The following COX15 variants were observed in gnomAD, a reference collection of about 807,000 sequenced individuals.
The protein encoded by COX15 is cytochrome c oxidase assembly factor COX15, also known as heme A synthase COX15.
A neutral mutation model predicts 51.9 loss-of-function variants in COX15; 51 were observed. The ratio of observed to expected loss-of-function variants is 0.98; its 90% CI spans 0.78 to 1.24. COX15 has a LOEUF of 1.24. Ranked by LOEUF, COX15 falls within the 50% of genes most tolerant of loss-of-function variation. The pLI is 0.00. For synonymous variants in COX15, 188 were observed against 190.5 expected, an observed-to-expected ratio of 0.99 and a Z score of 0.11; for missense variants, 420 against 501.1, an observed-to-expected ratio of 0.84 and a Z score of 1.55.
At position 99,724,103 on chromosome 10, in the gene COX15, C is replaced by T. The variant is rs1479671154; in HGVS notation, c.603G>A (p.Met201Ile). 2 of 1,614,146 alleles carry T rather than the reference C, an allele frequency of 1.2e-6. No homozygotes were observed. Among genetic ancestry groups the T allele is most frequent in the Non-Finnish European group, 8.5e-7 (1 of 1,180,016 alleles). Reference sequence around the variant, plus strand: ...ATTTTTCTTCTAGTCCACTTTTCACCATATACCATCCCAACAGACCCTAGA... The same window carrying T: ...ATTTTTCTTCTAGTCCACTTTTCACTATATACCATCCCAACAGACCCTAGA... ...VCFQGLLGWYMVKSGLEEKSD... is the reference protein window; with the variant it reads ...VCFQGLLGWYIVKSGLEEKSD... Residue 201 changes from methionine (M) to isoleucine (I), a missense_variant, in exon 5 of 9, where the codon ATG (methionine) becomes ATA (isoleucine). Coordinates refer to ENST00000016171, the MANE Select transcript of COX15 (RefSeq NM_078470.6).
intron 6 of COX15, among the ~76,000 whole-genome samples, chr10:99,719,624 G>A (rs1398352709): frequency 1.3e-5 from 2 of 151,930 alleles, no homozygotes; most frequent in Non-Finnish European, 2.9e-5. Flanking sequence ...CTGAGTAGCT[G>A]AGACTACAGG....
At chr10:99,694,855 G>T in the COX15 span, among the ~76,000 whole-genome samples, 1 of 152,038 alleles carries the variant, frequency 6.6e-6, no homozygotes, top group Non-Finnish European at 1.5e-5. Flanking sequence ...GGATCTCTTG[G>T]TATGTACCTT....
intron 8 of COX15, among the ~76,000 whole-genome samples, chr10:99,715,136 T>G (rs1244428747): frequency 6.6e-6 from 1 of 152,100 alleles, no homozygotes; most frequent in African/African-American, 2.4e-5. Flanking sequence ...ACCATAGTTT[T>G]TTTTGTTTTG....
Position 99,714,245 on chromosome 10 carries a change from G to A in COX15, c.*342C>T, listed in dbSNP as rs937257506. 10 of 1,156,772 alleles carry A rather than the reference G, an allele frequency of 8.6e-6. No homozygotes were observed. The African/African-American group carries it at 1.4e-4, about 17-fold the overall frequency. 71.7% of individuals were successfully genotyped at this position (1,156,772 alleles called of 1,614,324 possible). On this transcript the variant is annotated 3_prime_UTR_variant, in exon 9 of 9. Transcript: ENST00000016171. ...TTTAGGCAGAATTAAGGACTCAGGA[G>A]AACATCCACGTAGAAATCATCCACG...
At chr10:99,709,368 G>A, downstream of COX15, 1 of 985,356 alleles carries the variant, frequency 1.0e-6, no homozygotes, top group Non-Finnish European at 1.2e-6. Flanking sequence ...GGTAGAAATA[G>A]CAGATGTTTC....
At chr10:99,703,026 A>T in the COX15 span, among the ~76,000 whole-genome samples, 1 of 152,230 alleles carries the variant, frequency 6.6e-6, no homozygotes, top group Non-Finnish European at 1.5e-5. Context: ...TTACCCTGGA[A>T]AACACATCTG....
At chr10:99,722,708 C>G (rs1008011804) in intron 5 of COX15, among the ~76,000 whole-genome samples, 1 of 151,936 alleles carries the variant, frequency 6.6e-6, no homozygotes, top group Non-Finnish European at 1.5e-5. Context: ...GTGGTGTGCG[C>G]CTGTAGTCCC....
chr10:99,721,839 A>G (rs2133598651), intron 5 of COX15, among the ~76,000 whole-genome samples: 1 of 152,156 alleles, frequency 6.6e-6, no homozygotes, highest in South Asian at 2.1e-4. Flanking sequence ...TAAAGTTTAA[A>G]TAAACAAAAA....
chr10:99,702,658 G>T, the COX15 span: 1 of 1,611,002 alleles, frequency 6.2e-7, no homozygotes, highest in South Asian at 1.1e-5. Flanking sequence ...TATAAAACAC[G>T]ATTCTTACCA....
rs1266225475 is a variant in COX15, at chr10:99,716,432, C to T, written c.1017G>A (p.Val339=). 1.2e-6 allele frequency: 2 copies of T among 1,613,556 alleles called. No individual in the cohort carries two copies. Among genetic ancestry groups the T allele is most frequent in the South Asian group, 2.2e-5 (2 of 91,076 alleles). ...LGITSVTAIT[V]LYFLSRRIPL... ...GAATTCTCCGAGAGAGGAAGTAGAG[C>T]ACTGTAATGGCAGTGACTGAAGTGA... The change falls in exon 8 of 9, where the codon GTG becomes GTA. Residue 339 remains valine, a synonymous_variant. Transcript: ENST00000016171.
chr10:99,704,910 T>C, the COX15 span: 3 of 558,442 alleles, frequency 5.4e-6, no homozygotes, highest in East Asian at 3.1e-5. Context: ...TTGGTGCTAA[T>C]ACGGGGGACC....
chr10:99,700,414 A>G, the COX15 span, among the ~76,000 whole-genome samples: 1,200 of 9,790 alleles, frequency 0.12, 34 homozygotes, highest in African/African-American at 0.37. Flanking sequence ...GTGTGTGTGT[A>G]TGTGTGTGTG....
At chr10:99,710,683 A>G, downstream of COX15, 2 of 985,382 alleles carry the variant, frequency 2.0e-6, no homozygotes, top group Non-Finnish European at 2.4e-6. Flanking sequence ...ATGCTGATAT[A>G]TAACCCACCA....
chr10:99,726,548 T>G (rs2036955379), intron 4 of COX15, among the ~76,000 whole-genome samples: 1 of 152,178 alleles, frequency 6.6e-6, no homozygotes, highest in African/African-American at 2.4e-5. Context: ...ATGCATGCTC[T>G]TACCTATTCT....
chr10:99,726,887 CAAAAAAAAAAA>C, intron 4 of COX15, 70 bp downstream of exon 4: 1 of 933,660 alleles, frequency 1.1e-6, no homozygotes, highest in African/African-American at 2.1e-5. Flanking sequence ...GACTCCGTCT[CAAAAAAAAAAA>C]AAAAAAAACA....
At chr10:99,705,039 C>T in the COX15 span, 1 of 252,768 alleles carries the variant, frequency 4.0e-6, no homozygotes, top group Non-Finnish European at 7.8e-6. Context: ...CACTGGAAGC[C>T]TGGTTGAAAT....
In COX15 at chr10:99,727,039, A is replaced by G; in HGVS notation, c.511T>C (p.Trp171Arg). The part of the protein sequence containing the change: ...LVYILPAAYF[W>R]RKGWLSRGMK... ...CCACGGCTGAGCCAGCCCTTTCTCC[A>G]AAAGTAGGCAGCAGGCAGGATGTAC... The change falls in exon 4 of 9, where the codon TGG becomes CGG. Residue 171 changes from tryptophan to arginine, a missense_variant. Trp to Arg is a moderately radical substitution (Grantham distance 101, BLOSUM62 -3). Coordinates refer to ENST00000016171, the MANE Select transcript of COX15 (RefSeq NM_078470.6). 1 of 1,614,202 alleles carries G rather than the reference A, an allele frequency of 6.2e-7. No individual in the cohort carries two copies. The highest frequency in any genetic ancestry group is 1.1e-5 in the South Asian group (1 of 91,080).
chr10:99,714,250 T>C lies in COX15; in HGVS notation c.*337A>G, dbSNP rs1038723654. On this transcript the variant is annotated 3_prime_UTR_variant, in exon 9 of 9. Coordinates refer to ENST00000016171, the MANE Select transcript of COX15 (RefSeq NM_078470.6). ...GCAGAATTAAGGACTCAGGAGAACA[T>C]CCACGTAGAAATCATCCACGTAGAA... 1 of 1,164,102 alleles carries C rather than the reference T, an allele frequency of 8.6e-7. No homozygotes were observed. Among genetic ancestry groups the C allele is most frequent in the African/African-American group, 1.6e-5 (1 of 62,476 alleles). The allele number at this position is 1,164,102 out of a possible 1,614,324, so 72.1% of individuals were successfully genotyped here.
At position 99,718,641 on chromosome 10, in the gene COX15, T is replaced by C. The variant is rs2036651791; in HGVS notation, c.833-141A>G. 12 of 859,234 alleles carry C rather than the reference T, an allele frequency of 1.4e-5. No homozygotes were observed. In the South Asian group the frequency reaches 1.7e-4, roughly 12 times the overall value. The allele number at this position is 859,234 out of a possible 1,614,324, so 53.2% of individuals were successfully genotyped here. A position where few individuals can be genotyped will look rare whatever the true frequency, so the allele number is the denominator to read the frequency against. On this transcript the variant is annotated intron_variant, in intron 6 of 8. Transcript: ENST00000016171. ...ATAATAGACATATCTGCAACAGGAG[T>C]TCTCCAACAGAGAAGATACATCACA...
Sources: allele counts gnomAD v4.1 joint callset (sites outside exome capture counted in the v4.1 genomes callset), GRCh38; gene constraint gnomAD v4.1.1; transcripts MANE v1.5; gene names NCBI Gene and HGNC (gene_info 2026-07-23, HGNC 2026-07-21).